CDK5RAP2: variants seen among roughly 807,000 people sequenced by gnomAD.
CDK5RAP2 encodes the protein CDK5 regulatory subunit-associated protein 2.
CDK5RAP2 carries 147 observed loss-of-function variants against 232.9 expected under a neutral mutation model. That is an observed-to-expected ratio of 0.63 (90% confidence interval 0.55 to 0.72). The LOEUF is 0.72. Ranked by LOEUF, CDK5RAP2 falls within the 30% of genes least tolerant of loss-of-function variation. The pLI is 0.00. For synonymous variants in CDK5RAP2, 833 were observed against 833.7 expected, an observed-to-expected ratio of 1.00 and a Z score of 0.01; for missense variants, 2,195 against 2,231.5, an observed-to-expected ratio of 0.98 and a Z score of 0.33.
At chr9:120,510,047 C>G (rs1029638166) in intron 12 of CDK5RAP2, among the ~76,000 whole-genome samples, 1 of 152,106 alleles carries the variant, frequency 6.6e-6, no homozygotes, top group African/African-American at 2.4e-5. Context: ...GTGGTCTTAG[C>G]CCTAACCAAC....
At chr9:120,486,686 G>A (rs1237631330) in intron 14 of CDK5RAP2, among the ~76,000 whole-genome samples, 1 of 152,130 alleles carries the variant, frequency 6.6e-6, no homozygotes, top group Non-Finnish European at 1.5e-5. Context: ...GTAAAGTGCT[G>A]TGAACCAGAG....
intron 14 of CDK5RAP2, among the ~76,000 whole-genome samples, chr9:120,483,548 T>C (rs1178046954): frequency 6.6e-6 from 1 of 152,246 alleles, no homozygotes; most frequent in Non-Finnish European, 1.5e-5. Context: ...TTCCCTTTCA[T>C]GGTGGTTGTG....
At chr9:120,435,086 A>T (rs186702012) in intron 25 of CDK5RAP2, among the ~76,000 whole-genome samples, 2 of 152,234 alleles carry the variant, frequency 1.3e-5, no homozygotes, top group Non-Finnish European at 2.9e-5. Flanking sequence ...AAAACAAATG[A>T]ATCTAATTGT....
chr9:120,529,174 T>G (rs1011096441), intron 8 of CDK5RAP2, among the ~76,000 whole-genome samples: 1 of 152,240 alleles, frequency 6.6e-6, no homozygotes. Flanking sequence ...TCCACTGCTG[T>G]GGTAGGAGCA....
chr9:120,441,986 T>G (rs930374804), intron 23 of CDK5RAP2, among the ~76,000 whole-genome samples: 1 of 152,232 alleles, frequency 6.6e-6, no homozygotes, highest in Non-Finnish European at 1.5e-5. Context: ...AAGGCTTTTT[T>G]TCCAGTGAAT....
rs1216343170 is a variant in CDK5RAP2 at position 120,389,759 on chromosome 9, C to T, written c.5607G>A (p.Lys1869=). ...GGCATACCTCCAGGTTTCCTCTGGC[C>T]TTCCGAAGGATTTTGTGGGTTACGA... ...QLVVTHKILR[K]ARGNLELRPG... The change falls in exon 37 of 38, where the codon AAG becomes AAA. Residue 1869 remains lysine (K), a synonymous_variant. Transcript: ENST00000349780. 1.2e-6 allele frequency: 2 copies of T among 1,614,178 alleles called. No homozygotes were observed. Among genetic ancestry groups the T allele is most frequent in the Admixed American group, 1.7e-5 (1 of 60,026 alleles).
intron 22 of CDK5RAP2, among the ~76,000 whole-genome samples, chr9:120,447,050 C>T (rs932442867): frequency 2.6e-5 from 4 of 152,210 alleles, no homozygotes; most frequent in African/African-American, 7.2e-5. Flanking sequence ...CTCCTCTCTC[C>T]TCAGTGCCTA....
intron 1 of CDK5RAP2, 77 bp from the exon 2 acceptor site, chr9:120,572,118 A>T: frequency 9.0e-7 from 1 of 1,113,978 alleles, no homozygotes; most frequent in Non-Finnish European, 1.4e-6. Context: ...TGGACTGCAC[A>T]TGACAATCAT....
chr9:120,449,892 G>A (rs1391865397), intron 21 of CDK5RAP2, among the ~76,000 whole-genome samples: 1 of 152,140 alleles, frequency 6.6e-6, no homozygotes, highest in East Asian at 1.9e-4. Context: ...CGGAGAAATT[G>A]GAACCCTCAC....
At chr9:120,463,611 A>G (rs75908518) in intron 18 of CDK5RAP2, among the ~76,000 whole-genome samples, 30 of 152,312 alleles carry the variant, frequency 2.0e-4, no homozygotes, top group African/African-American at 7.2e-4. Context: ...GGATCTGAGA[A>G]GGGTTTCCTC....
chr9:120,453,955 C>T (rs753514922), intron 20 of CDK5RAP2, 82 bp from the exon 21 acceptor site: 8 of 1,385,528 alleles, frequency 5.8e-6, no homozygotes, highest in African/African-American at 1.4e-5. Context: ...CAAGTTATCC[C>T]CACCTACTGT....
intron 25 of CDK5RAP2, among the ~76,000 whole-genome samples, chr9:120,427,121 A>T (rs1212945851): frequency 6.6e-6 from 1 of 152,176 alleles, no homozygotes; most frequent in Non-Finnish European, 1.5e-5. Flanking sequence ...CACCCTTCAA[A>T]TCAGGAGTGT....
At chr9:120,542,916 T>C (rs1420128347) in intron 5 of CDK5RAP2, among the ~76,000 whole-genome samples, 2 of 152,164 alleles carry the variant, frequency 1.3e-5, no homozygotes, top group African/African-American at 4.8e-5. Context: ...TCTGAAGCTT[T>C]ACAAAGGGCT....
At chr9:120,506,420 A>G (rs2039815306) in intron 12 of CDK5RAP2, among the ~76,000 whole-genome samples, 1 of 152,228 alleles carries the variant, frequency 6.6e-6, no homozygotes, top group Non-Finnish European at 1.5e-5. Flanking sequence ...CATGCCTGCT[A>G]ACACAACATC....
chr9:120,559,285 G>A (rs1257561703), intron 3 of CDK5RAP2, among the ~76,000 whole-genome samples: 3 of 151,966 alleles, frequency 2.0e-5, no homozygotes, highest in African/African-American at 7.2e-5. Context: ...TCAGGAGATC[G>A]AGACCATCTG....
At chr9:120,577,023 A>C (rs1003175169) in intron 1 of CDK5RAP2, among the ~76,000 whole-genome samples, 3 of 152,200 alleles carry the variant, frequency 2.0e-5, no homozygotes, top group Admixed American at 2.0e-4. Context: ...CAGAAGGACA[A>C]ATAGTGTATG....
At chr9:120,466,046 G>T (rs751262635) in intron 18 of CDK5RAP2, among the ~76,000 whole-genome samples, 1 of 152,128 alleles carries the variant, frequency 6.6e-6, no homozygotes, top group Non-Finnish European at 1.5e-5. Context: ...TTGGGGTAAT[G>T]CTATGGGTTA....
Position 120,568,387 on chromosome 9 carries a change from C to A in CDK5RAP2, c.129G>T (p.Leu43=). The part of the protein sequence containing the change: ...INPNAGLGNG[L]LPNVSEETVS... ...CTGTTTCTTCTGACACATTTGGGAGCACTGTAAAAAGGTAAAATAGAGGAA... is the reference window on the plus strand; with the variant it reads ...CTGTTTCTTCTGACACATTTGGGAGAACTGTAAAAAGGTAAAATAGAGGAA... Residue 43 remains leucine, a splice_region_variant and synonymous_variant, in exon 3 of 38, where the codon CTG becomes CTT. Coordinates refer to ENST00000349780, the MANE Select transcript of CDK5RAP2 (RefSeq NM_018249.6). The A allele has an allele frequency of 1.2e-6, 2 of 1,612,128 alleles. No individual in the cohort carries two copies. The highest frequency in any genetic ancestry group is 1.7e-6 in the Non-Finnish European group (2 of 1,178,170).
intron 25 of CDK5RAP2, among the ~76,000 whole-genome samples, chr9:120,429,901 C>T (rs1056833163): frequency 6.6e-6 from 1 of 152,110 alleles, no homozygotes; most frequent in African/African-American, 2.4e-5. Flanking sequence ...GGTACTGGCA[C>T]CAAAAGAGAG....
Sources: gnomAD v4.1 joint callset for allele counts (sites outside exome capture counted in the v4.1 genomes callset) on GRCh38, gnomAD v4.1.1 for gene constraint, MANE v1.5 for transcripts, NCBI Gene and HGNC (gene_info 2026-07-23, HGNC 2026-07-21) for gene names.